GRIA4: variants seen among roughly 807,000 people sequenced by gnomAD.
The protein encoded by GRIA4 is glutamate ionotropic receptor AMPA type subunit 4, also known as glutamate receptor 4.
Under a neutral mutation model 104.0 loss-of-function variants are expected in GRIA4, and 34 were observed. That is an observed-to-expected ratio of 0.33 (90% CI 0.25 to 0.44). The LOEUF (loss-of-function observed/expected upper bound fraction) is 0.44, where lower values mean the gene tolerates loss of function less well. Ranked by LOEUF, GRIA4 falls within the 20% of genes least tolerant of loss-of-function variation. The probability of loss-of-function intolerance (pLI) is 1.00; values close to 1 mark genes in which losing one functional copy is unlikely to be tolerated. For missense variants in GRIA4, 750 were observed against 1,096.5 expected (o/e 0.68, Z 4.46); for synonymous variants, 386 against 381.9 (o/e 1.01, Z -0.13).
chr11:105,685,046 T>C (rs1396275208), intron 3 of GRIA4, among the ~76,000 whole-genome samples: 1 of 151,912 alleles, frequency 6.6e-6, no homozygotes, highest in Non-Finnish European at 1.5e-5. Context: ...ATTCCTGTTA[T>C]GCCTGAGTAG....
intron 3 of GRIA4, among the ~76,000 whole-genome samples, chr11:105,688,162 C>CTATATCTA (rs754156987): frequency 1.6e-4 from 22 of 136,774 alleles, no homozygotes; most frequent in African/African-American, 6.3e-4. Context: ...ATATCTCTAT[C>CTATATCTA]TATCTATCTA....
intron 4 of GRIA4, among the ~76,000 whole-genome samples, chr11:105,823,039 G>C (rs1175219779): frequency 3.9e-5 from 6 of 152,060 alleles, no homozygotes; most frequent in Admixed American, 3.9e-4. Context: ...GAATGATAGT[G>C]GTACCAGGCA....
chr11:105,795,175 G>A (rs192154953), intron 4 of GRIA4, among the ~76,000 whole-genome samples: 31 of 152,144 alleles, frequency 2.0e-4, no homozygotes, highest in Middle Eastern at 6.8e-3. Flanking sequence ...ATTTAAAAGC[G>A]TAGTTCTGAG....
chr11:105,763,589 C>T (rs1383436330), intron 4 of GRIA4, among the ~76,000 whole-genome samples: 3 of 152,092 alleles, frequency 2.0e-5, no homozygotes, highest in Non-Finnish European at 4.4e-5. Flanking sequence ...TAGTCACAAG[C>T]ATAAAAAAGA....
At chr11:105,700,738 C>T (rs985367155) in intron 3 of GRIA4, among the ~76,000 whole-genome samples, 1 of 152,056 alleles carries the variant, frequency 6.6e-6, no homozygotes, top group Non-Finnish European at 1.5e-5. Flanking sequence ...CTTTTAATTC[C>T]CACCGACATT....
At chr11:105,875,265 G>A (rs1407272235) in intron 5 of GRIA4, among the ~76,000 whole-genome samples, 3 of 152,222 alleles carry the variant, frequency 2.0e-5, no homozygotes, top group Admixed American at 6.5e-5. Flanking sequence ...GGATGAAGGC[G>A]ACTTGATCGT....
intron 3 of GRIA4, among the ~76,000 whole-genome samples, chr11:105,730,050 A>G (rs1410666934): frequency 6.6e-6 from 1 of 152,212 alleles, no homozygotes; most frequent in Non-Finnish European, 1.5e-5. Context: ...CAAGAGAAAG[A>G]AATAAAGCGT....
chr11:105,935,523 GTAAA>G (rs1218477168), intron 14 of GRIA4, among the ~76,000 whole-genome samples: 1 of 152,154 alleles, frequency 6.6e-6, no homozygotes, highest in African/African-American at 2.4e-5. Flanking sequence ...AGGCCAAGTA[GTAAA>G]TAAATCTCTG....
intron 3 of GRIA4, 95 bp from the exon 4 acceptor site, chr11:105,752,885 GT>G: frequency 8.7e-7 from 1 of 1,146,048 alleles, no homozygotes; most frequent in South Asian, 1.4e-5. Flanking sequence ...CAATGATTCA[GT>G]GATTTTTATT....
At chr11:105,782,413 A>G (rs1288179544) in intron 4 of GRIA4, among the ~76,000 whole-genome samples, 1 of 152,212 alleles carries the variant, frequency 6.6e-6, no homozygotes, top group African/African-American at 2.4e-5. Context: ...AATCATAATA[A>G]TAGAAAATTA....
At position 105,874,315 on chromosome 11, in the gene GRIA4, C is replaced by T. The variant is rs530802875; in HGVS notation, c.672+12107C>T. 2.1e-4 allele frequency among the ~76,000 whole-genome samples: 32 copies of T among 151,960 alleles called. No homozygotes were observed. The East Asian group carries it at 3.7e-3, about 17-fold the overall frequency. ...ACCAGTACCATGCTGTTTTGTTTACCATAGCTTTGTAGTATAGTTTTAAGT... is the reference window on the plus strand; with the variant it reads ...ACCAGTACCATGCTGTTTTGTTTACTATAGCTTTGTAGTATAGTTTTAAGT... On this transcript the variant is annotated intron_variant, in intron 5 of 16. Coordinates refer to ENST00000282499, the MANE Select transcript of GRIA4 (RefSeq NM_000829.4).
chr11:105,748,017 A>T (rs1939767309), intron 3 of GRIA4, among the ~76,000 whole-genome samples: 1 of 152,218 alleles, frequency 6.6e-6, no homozygotes, highest in South Asian at 2.1e-4. Flanking sequence ...TAAGTACTGT[A>T]CACATCTATT....
chr11:105,675,859 T>C (rs1189672721), intron 3 of GRIA4, among the ~76,000 whole-genome samples: 1 of 151,880 alleles, frequency 6.6e-6, no homozygotes, highest in Non-Finnish European at 1.5e-5. Context: ...AGTTATTCAG[T>C]TTAAAAGTGA....
chr11:105,678,782 C>A (rs1388712546), intron 3 of GRIA4, among the ~76,000 whole-genome samples: 1 of 151,808 alleles, frequency 6.6e-6, no homozygotes, highest in African/African-American at 2.4e-5. Context: ...TCTCAAATAC[C>A]ATTAAGGTAA....
chr11:105,777,718 A>T (rs894728403), intron 4 of GRIA4, among the ~76,000 whole-genome samples: 2 of 152,194 alleles, frequency 1.3e-5, no homozygotes, highest in Non-Finnish European at 2.9e-5. Flanking sequence ...TTTCCATTCC[A>T]TTTCACACAC....
chr11:105,615,570 C>T (rs948508892), intron 3 of GRIA4, among the ~76,000 whole-genome samples: 2 of 151,682 alleles, frequency 1.3e-5, no homozygotes, highest in African/African-American at 2.4e-5. Flanking sequence ...TACAAGTATA[C>T]ATTTTTTTGT....
At chr11:105,795,641 G>A (rs970516491) in intron 4 of GRIA4, among the ~76,000 whole-genome samples, 3 of 152,084 alleles carry the variant, frequency 2.0e-5, no homozygotes, top group Admixed American at 2.0e-4. Flanking sequence ...TCACTCTGGA[G>A]AGAACTGATT....
At chr11:105,768,467 C>T (rs1941055378) in intron 4 of GRIA4, among the ~76,000 whole-genome samples, 1 of 152,052 alleles carries the variant, frequency 6.6e-6, no homozygotes, top group Non-Finnish European at 1.5e-5. Flanking sequence ...CAATCAGCAG[C>T]TACATATTTC....
At chr11:105,811,565 CAT>C (rs1267363814) in intron 4 of GRIA4, among the ~76,000 whole-genome samples, 3 of 152,032 alleles carry the variant, frequency 2.0e-5, no homozygotes, top group Non-Finnish European at 4.4e-5. Context: ...GCATTGTCTA[CAT>C]GTTTTAATGT....
Sources: allele counts gnomAD v4.1 joint callset (sites outside exome capture counted in the v4.1 genomes callset), GRCh38; gene constraint gnomAD v4.1.1; transcripts MANE v1.5; gene names NCBI Gene and HGNC (gene_info 2026-07-23, HGNC 2026-07-21).